The following CASZ1 variants were observed in gnomAD, a reference collection of about 807,000 sequenced individuals.
CASZ1 encodes the protein zinc finger protein castor homolog 1.
CASZ1 carries 28 observed loss-of-function variants against 135.2 expected under a neutral mutation model. The ratio of observed to expected loss-of-function variants is 0.21; its 90% CI spans 0.15 to 0.28. The LOEUF is 0.28. CASZ1 is among the 10% of genes least tolerant of loss of function. The pLI is 1.00. For missense variants in CASZ1, 2,161 were observed against 2,453.3 expected (o/e 0.88, Z 2.52); for synonymous variants, 1,068 against 1,073.4 (o/e 0.99, Z 0.10).
chr1:10,684,910 T>C (rs1256076121), intron 4 of CASZ1, among the ~76,000 whole-genome samples: 4 of 152,186 alleles, frequency 2.6e-5, no homozygotes, highest in Non-Finnish European at 5.9e-5. Flanking sequence ...ACACATGGAA[T>C]GTGTCCTCCC....
At position 10,637,539 on chromosome 1, in the gene CASZ1, C is replaced by T. The variant is rs1441492554; in HGVS notation, c.*1403G>A. Reference sequence around the variant, plus strand: ...AGCCTCCCCGCCAGCCTTCCATTCCCTCCTAGGCCTGTTCTCTCCCGGTGG... The same window carrying T: ...AGCCTCCCCGCCAGCCTTCCATTCCTTCCTAGGCCTGTTCTCTCCCGGTGG... On this transcript the variant is annotated 3_prime_UTR_variant, in exon 21 of 21. Coordinates refer to ENST00000377022, the MANE Select transcript of CASZ1 (RefSeq NM_001079843.3). 6.6e-6 allele frequency: 1 copy of T among 152,374 alleles called. No homozygotes were observed. The highest frequency in any genetic ancestry group is 1.5e-5 in the Non-Finnish European group (1 of 68,052). 9.4% of individuals were successfully genotyped at this position (152,374 alleles called of 1,614,324 possible).
Position 10,666,701 on chromosome 1 carries a change from AG to A in CASZ1, c.17-1131del, listed in dbSNP as rs1643247031. On this transcript the variant is annotated intron_variant, in intron 4 of 20. Coordinates refer to ENST00000377022, the MANE Select transcript of CASZ1 (RefSeq NM_001079843.3). This position sits in a 1 kb window ranked among gnomAD's most constrained non-coding sequence, Gnocchi z 5.2. Reference sequence around the variant, plus strand: ...GCATAGCCCAAACTCTGTCCCTGATAGGGCACCGAGGGTCCTGGGGGGGCAT... The same window carrying A: ...GCATAGCCCAAACTCTGTCCCTGATAGGCACCGAGGGTCCTGGGGGGGCAT... 6.6e-6 allele frequency among the ~76,000 whole-genome samples: 1 copy of A among 152,298 alleles called. No individual in the cohort carries two copies. Among genetic ancestry groups the A allele is most frequent in the East Asian group, 1.9e-4 (1 of 5,176 alleles).
rs112086030 is a variant in CASZ1 at position 10,653,614 on chromosome 1, C to T, written c.2443G>A (p.Val815Met). ...GCACCCAGGAGGCTGGGGGTGCCCACAGGCAGGGAGGTGCTCCCACGGCCA... is the reference window on the plus strand; with the variant it reads ...GCACCCAGGAGGCTGGGGGTGCCCATAGGCAGGGAGGTGCTCCCACGGCCA... The part of the protein sequence containing the change: ...LAGRGSTSLP[V>M]GTPSLLGAVS... Residue 815 changes from valine (V) to methionine (M), a missense_variant, in exon 11 of 21, where the codon GTG becomes ATG. Val to Met is a conservative substitution (Grantham distance 21). Transcript: ENST00000377022. 8 of 1,552,358 alleles carry T rather than the reference C, an allele frequency of 5.2e-6. No individual in the cohort carries two copies. The highest frequency in any genetic ancestry group is 2.7e-5 in the African/African-American group (2 of 73,650).
intron 1 of CASZ1, among the ~76,000 whole-genome samples, chr1:10,792,333 CCCCCCCCGG>C (rs1401875836): frequency 7.2e-5 from 3 of 41,526 alleles, no homozygotes; most frequent in East Asian, 5.4e-3. Flanking sequence ...CCCCGCCCCC[CCCCCCCCGG>C]CCCCGCACAC....
At chr1:10,749,615 C>T (rs910236930) in intron 2 of CASZ1, among the ~76,000 whole-genome samples, 2 of 151,996 alleles carry the variant, frequency 1.3e-5, no homozygotes, top group Non-Finnish European at 2.9e-5. Context: ...GTGGCCCAGA[C>T]AGCCCCGAAT....
In CASZ1 at chr1:10,660,375, G is replaced by A; in HGVS notation, c.667C>T (p.Leu223=). ...STPEAATSSM[L]PTSEDTLSKR... ...CTGAGGGTATCCTCGGAGGTGGGCA[G>A]CATGGAGGAGGTGGCTGCCTCCGGG... Residue 223 remains leucine, a synonymous_variant, in exon 6 of 21, where the codon CTG becomes TTG. Coordinates refer to ENST00000377022, the MANE Select transcript of CASZ1 (RefSeq NM_001079843.3). 1 of 1,614,186 alleles carries A rather than the reference G, an allele frequency of 6.2e-7. No homozygotes were observed. The highest frequency in any genetic ancestry group is 8.5e-7 in the Non-Finnish European group (1 of 1,180,024).
rs1638885554 is a variant in CASZ1, at chr1:10,694,728, C to G, written c.-23-816G>C. On this transcript the variant is annotated intron_variant, in intron 3 of 20. Transcript: ENST00000377022. This position sits in a 1 kb window ranked among gnomAD's most constrained non-coding sequence, Gnocchi z 6.6. ...GCCGCGCGCGCCCGCGCCGCACTGGCAGGGCGGCCGGCTCCATTGGCTCTG... is the reference window on the plus strand; with the variant it reads ...GCCGCGCGCGCCCGCGCCGCACTGGGAGGGCGGCCGGCTCCATTGGCTCTG... Among the ~76,000 whole-genome samples, 1 of 144,924 alleles carries G rather than the reference C, an allele frequency of 6.9e-6. No individual in the cohort carries two copies. The highest frequency in any genetic ancestry group is 2.5e-5 in the African/African-American group (1 of 40,526).
At chr1:10,686,822 G>A (rs548345588) in intron 4 of CASZ1, among the ~76,000 whole-genome samples, 31 of 152,272 alleles carry the variant, frequency 2.0e-4, no homozygotes, top group African/African-American at 7.0e-4. Context: ...TCCCCCACCC[G>A]TGGCCAGAAG....
intron 8 of CASZ1, 90 bp downstream of exon 8, chr1:10,656,556 C>G: frequency 1.0e-6 from 1 of 973,824 alleles, no homozygotes; most frequent in South Asian, 1.4e-5. Flanking sequence ...GAACTAACCC[C>G]CCCCACTGCC....
intron 2 of CASZ1, among the ~76,000 whole-genome samples, chr1:10,758,607 C>T (rs968411563): frequency 1.3e-5 from 2 of 152,194 alleles, no homozygotes; most frequent in African/African-American, 4.8e-5. Flanking sequence ...GCTGGGATTA[C>T]AGGCTTGAGC....
At chr1:10,687,567 C>T (rs184474788) in intron 4 of CASZ1, among the ~76,000 whole-genome samples, 47 of 152,384 alleles carry the variant, frequency 3.1e-4, no homozygotes, top group African/African-American at 1.1e-3. Context: ...TCTGGCCTCA[C>T]TCCCTGCCCT....
At chr1:10,681,138 T>G (rs1042520647) in intron 4 of CASZ1, among the ~76,000 whole-genome samples, 1 of 152,038 alleles carries the variant, frequency 6.6e-6, no homozygotes, top group Non-Finnish European at 1.5e-5. Flanking sequence ...CAGCCTCAAG[T>G]GATCTGCCCG....
At position 10,638,769 on chromosome 1, in the gene CASZ1, C is replaced by T. The variant is rs1642081807; in HGVS notation, c.*173G>A. On this transcript the variant is annotated 3_prime_UTR_variant, in exon 21 of 21. Transcript: ENST00000377022. The surrounding 1 kb of genome is among the most constrained non-coding windows in gnomAD (Gnocchi z 5.9). The stretch of plus-strand genomic sequence containing the variant: ...CCTAGAGCAGGGCCACCGCCGCCGC[C>T]TGTGTCCTCGGCCGCGGAGCACCAG... 1.7e-6 allele frequency: 1 copy of T among 590,294 alleles called. No individual in the cohort carries two copies. The highest frequency in any genetic ancestry group is 2.1e-6 in the Non-Finnish European group (1 of 468,824). 36.6% of individuals were successfully genotyped at this position (590,294 alleles called of 1,614,324 possible).
Position 10,724,792 on chromosome 1 carries a change from A to C in CASZ1, c.-76-19248T>G, listed in dbSNP as rs1639566792. Among the ~76,000 whole-genome samples the C allele has an allele frequency of 2.6e-5, 4 of 152,192 alleles. 1 individual carries two copies. The highest frequency in any genetic ancestry group is 9.6e-5 in the African/African-American group (4 of 41,456). ...CGGGGAAGAGGAGGCAGAGGAAGGC[A>C]GGTGGGGGGCTGGCTGGGAGCCTCG... On this transcript the variant is annotated intron_variant, in intron 2 of 20. Coordinates refer to ENST00000377022, the MANE Select transcript of CASZ1 (RefSeq NM_001079843.3). The surrounding 1 kb of genome is among the most constrained non-coding windows in gnomAD (Gnocchi z 4.1).
intron 1 of CASZ1, among the ~76,000 whole-genome samples, chr1:10,768,531 T>C (rs1320634274): frequency 6.6e-6 from 1 of 152,168 alleles, no homozygotes; most frequent in African/African-American, 2.4e-5. Context: ...TGTTCATTTT[T>C]ACTCCCTCAA....
chr1:10,723,188 TG>T (rs1474075293), intron 2 of CASZ1, among the ~76,000 whole-genome samples: 1 of 152,190 alleles, frequency 6.6e-6, no homozygotes, highest in Non-Finnish European at 1.5e-5. Context: ...CCAGTGTGGA[TG>T]GTGGGTGGGT....
intron 2 of CASZ1, among the ~76,000 whole-genome samples, chr1:10,714,104 C>T (rs913099394): frequency 6.6e-6 from 1 of 152,076 alleles, no homozygotes; most frequent in African/African-American, 2.4e-5. Flanking sequence ...GTCACGAGTT[C>T]GAGACCAGCC....
chr1:10,653,485 G>C lies in CASZ1; in HGVS notation c.2572C>G (p.Pro858Ala). Residue 858 changes from proline to alanine, a missense_variant, in exon 11 of 21, where the codon CCA (proline) becomes GCA (alanine). Around this residue, in one of 7 missense-constraint regions of CASZ1, gnomAD observed 406 missense variants for 387.6 expected, o/e 1.05. Coordinates refer to ENST00000377022, the MANE Select transcript of CASZ1 (RefSeq NM_001079843.3). ...ATCCTCTCCATGATGGAGGCGGGTGGTGCCGGGACAGAGGCGGCAGCCACG... is the reference window on the plus strand; with the variant it reads ...ATCCTCTCCATGATGGAGGCGGGTGCTGCCGGGACAGAGGCGGCAGCCACG... ...APVAAASVPA[P>A]PASIMERISA... 1 of 1,612,872 alleles carries C rather than the reference G, an allele frequency of 6.2e-7. No homozygotes were observed.
intron 2 of CASZ1, among the ~76,000 whole-genome samples, chr1:10,728,864 G>A (rs1639644125): frequency 6.6e-6 from 1 of 152,100 alleles, no homozygotes; most frequent in Admixed American, 6.5e-5. Flanking sequence ...GAGTCCCCTC[G>A]CTGGGCCGGG....
Sources: allele counts gnomAD v4.1 joint callset (sites outside exome capture counted in the v4.1 genomes callset), GRCh38; gene constraint gnomAD v4.1.1; regional missense constraint gnomAD v4.1.1; non-coding constraint Gnocchi (gnomAD v3.1); transcripts MANE v1.5; gene names NCBI Gene and HGNC (gene_info 2026-07-23, HGNC 2026-07-21).